Variants in APBA1 observed in about 807,000 individuals in gnomAD.
The protein encoded by APBA1 is amyloid-beta A4 precursor protein-binding family A member 1.
In APBA1, 55 loss-of-function variants were observed where a neutral mutation model predicts 86.6. That is an observed-to-expected ratio of 0.64 (90% CI 0.51 to 0.80). The LOEUF (loss-of-function observed/expected upper bound fraction) is 0.80, where lower values mean the gene tolerates loss of function less well. APBA1 is among the 30% of genes least tolerant of loss of function. The pLI, the probability that APBA1 is intolerant of heterozygous loss-of-function variation, is 0.00. For synonymous variants in APBA1, 511 were observed against 493.9 expected (o/e 1.03, Z -0.46); for missense variants, 1,090 against 1,183.0 (o/e 0.92, Z 1.15).
chr9:69,630,086 G>C (rs183516039), intron 1 of APBA1, among the ~76,000 whole-genome samples: 170 of 151,956 alleles, frequency 1.1e-3, no homozygotes, highest in African/African-American at 3.8e-3. Context: ...GCAGGAAAAA[G>C]GCGAGTGGAA....
intron 1 of APBA1, among the ~76,000 whole-genome samples, chr9:69,583,926 C>T (rs950853258): frequency 2.0e-5 from 3 of 152,212 alleles, no homozygotes; most frequent in African/African-American, 7.2e-5. Context: ...GATTCAAGGG[C>T]GTAATCCATG....
chr9:69,514,854 C>T (rs1588333079), intron 2 of APBA1, among the ~76,000 whole-genome samples: 1 of 152,094 alleles, frequency 6.6e-6, no homozygotes, highest in Non-Finnish European at 1.5e-5. Flanking sequence ...TTACGGTGAG[C>T]GGAGATTGCA....
At chr9:69,544,412 T>C (rs1836664772) in intron 1 of APBA1, among the ~76,000 whole-genome samples, 1 of 152,246 alleles carries the variant, frequency 6.6e-6, no homozygotes, top group Non-Finnish European at 1.5e-5. Context: ...TTTCTACCAA[T>C]TTATTATACA....
chr9:69,458,180 C>T lies in APBA1; in HGVS notation c.1491G>A (p.Gln497=). Residue 497 remains glutamine (Q), a synonymous_variant, in exon 6 of 13, where the codon CAG becomes CAA. Coordinates refer to ENST00000265381, the MANE Select transcript of APBA1 (RefSeq NM_001163.4). The part of the protein sequence containing the change: ...QEAVSRIKMA[Q]KLAKSRKKAP... ...CCTTCTTCCTGCTTTTGGCTAATTT[C>T]TGGGCCATCTGCTTAGCATGGAACA... is the stretch of plus-strand genomic sequence containing the variant. 3 of 1,612,370 alleles carry T rather than the reference C, an allele frequency of 1.9e-6. No homozygotes were observed. Among genetic ancestry groups the T allele is most frequent in the Non-Finnish European group, 2.5e-6 (3 of 1,179,622 alleles).
intron 2 of APBA1, among the ~76,000 whole-genome samples, chr9:69,481,825 C>T (rs2133845576): frequency 6.6e-6 from 1 of 151,988 alleles, no homozygotes; most frequent in East Asian, 1.9e-4. Flanking sequence ...CGCATGTCTA[C>T]AACTATCTGA....
chr9:69,634,676 TAATC>T, intron 1 of APBA1, among the ~76,000 whole-genome samples: 1 of 152,044 alleles, frequency 6.6e-6, no homozygotes, highest in Non-Finnish European at 1.5e-5. Flanking sequence ...AGACATATAA[TAATC>T]AAACTCCCAA....
chr9:69,617,574 C>T (rs746373880), intron 1 of APBA1, among the ~76,000 whole-genome samples: 1 of 151,950 alleles, frequency 6.6e-6, no homozygotes. Flanking sequence ...TAAATTCACC[C>T]CAGATCATGA....
intron 1 of APBA1, among the ~76,000 whole-genome samples, chr9:69,553,182 C>T (rs112224407): frequency 3.1e-4 from 47 of 152,304 alleles, no homozygotes; most frequent in African/African-American, 1.0e-3. Flanking sequence ...CTGGCATGAG[C>T]CACCATGCCC....
intron 1 of APBA1, among the ~76,000 whole-genome samples, chr9:69,613,400 C>G (rs556890787): frequency 6.6e-6 from 1 of 151,956 alleles, no homozygotes; most frequent in Non-Finnish European, 1.5e-5. Context: ...GCCGGAAATG[C>G]TATCTTCTTC....
intron 1 of APBA1, among the ~76,000 whole-genome samples, chr9:69,605,059 C>T (rs991384507): frequency 5.3e-5 from 8 of 152,144 alleles, no homozygotes; most frequent in Non-Finnish European, 5.9e-5. Flanking sequence ...CAATAGCTCA[C>T]GACTACAAAA....
At chr9:69,630,794 T>C (rs534016368) in intron 1 of APBA1, among the ~76,000 whole-genome samples, 1 of 152,270 alleles carries the variant, frequency 6.6e-6, no homozygotes, top group East Asian at 1.9e-4. Context: ...TAAATAAACA[T>C]AGGTGTTCAT....
At chr9:69,535,265 G>A (rs1836491043) in intron 1 of APBA1, among the ~76,000 whole-genome samples, 1 of 152,124 alleles carries the variant, frequency 6.6e-6, no homozygotes, top group African/African-American at 2.4e-5. Context: ...TCTTGGGTGA[G>A]GCCTGGGATT....
chr9:69,603,977 CA>C (rs1212042996), intron 1 of APBA1, among the ~76,000 whole-genome samples: 7 of 152,296 alleles, frequency 4.6e-5, no homozygotes, highest in Non-Finnish European at 1.0e-4. Context: ...CTAACTATTA[CA>C]AAAAGAGAAT....
At chr9:69,497,124 CCCTTT>C (rs1206668696) in intron 2 of APBA1, among the ~76,000 whole-genome samples, 6 of 152,058 alleles carry the variant, frequency 3.9e-5, no homozygotes, top group East Asian at 1.9e-4. Context: ...ATTCTTTCTT[CCCTTT>C]CATGTTCATT....
chr9:69,606,479 CTTTTTTTTTT>C (rs35083481), intron 1 of APBA1, among the ~76,000 whole-genome samples: 777 of 50,878 alleles, frequency 0.015, 11 homozygotes, highest in African/African-American at 0.05. Context: ...AGGGAGCTAG[CTTTTTTTTTT>C]TTTTTTTTTT....
intron 5 of APBA1, 40 bp downstream of exon 5, chr9:69,467,783 C>T: frequency 6.2e-7 from 1 of 1,612,642 alleles, no homozygotes; most frequent in Non-Finnish European, 8.5e-7. Context: ...AGTGCCTACA[C>T]CAGCCCCCTG....
In APBA1 at chr9:69,476,141, A is replaced by G; in HGVS notation, c.1203T>C (p.Ser401=). 1 of 1,611,170 alleles carries G rather than the reference A, an allele frequency of 6.2e-7. No individual in the cohort carries two copies. The highest frequency in any genetic ancestry group is 2.2e-5 in the East Asian group (1 of 44,866). The change falls in exon 3 of 13, where the codon TCT becomes TCC. Residue 401 remains serine, a splice_region_variant and synonymous_variant. Coordinates refer to ENST00000265381, the MANE Select transcript of APBA1 (RefSeq NM_001163.4). ...CDDQRPMDGD[S]PSPGSSSPLG... is the part of the protein sequence containing the mutation. Reference sequence around the variant, plus strand: ...AGGGGGAGGAGCTGCCAGGAGACGGAGACTAGAACACAGCAAGAGGAAACA... The same window carrying G: ...AGGGGGAGGAGCTGCCAGGAGACGGGGACTAGAACACAGCAAGAGGAAACA...
At chr9:69,539,944 C>A (rs1445606397) in intron 1 of APBA1, among the ~76,000 whole-genome samples, 1 of 152,126 alleles carries the variant, frequency 6.6e-6, no homozygotes, top group Non-Finnish European at 1.5e-5. Context: ...TGTGGTGAAA[C>A]CCTGTCTCTA....
chr9:69,515,900 C>T, intron 2 of APBA1, 111 bp downstream of exon 2: 2 of 1,203,208 alleles, frequency 1.7e-6, no homozygotes, highest in Admixed American at 2.7e-5. Context: ...TCTTAGCGTC[C>T]CCACAGACTA....
Sources: gnomAD v4.1 joint callset for allele counts (sites outside exome capture counted in the v4.1 genomes callset) on GRCh38, gnomAD v4.1.1 for gene constraint, MANE v1.5 for transcripts, NCBI Gene and HGNC (gene_info 2026-07-23, HGNC 2026-07-21) for gene names.